Variants in ACER3 observed in about 807,000 individuals in gnomAD.
ACER3 encodes alkCDase 3.
ACER3 carries 16 observed loss-of-function variants against 48.9 expected under a neutral mutation model. That is an observed-to-expected ratio of 0.33 (90% CI 0.22 to 0.50). The LOEUF is 0.50. Ranked by LOEUF, ACER3 falls within the 20% of genes least tolerant of loss-of-function variation. The pLI is 0.98. For missense variants in ACER3, 227 were observed against 326.0 expected, an observed-to-expected ratio of 0.70 and a Z score of 2.34; for synonymous variants, 109 against 107.8, an observed-to-expected ratio of 1.01 and a Z score of -0.07.
chr11:76,909,135 A>C (rs932736908), intron 1 of ACER3, among the ~76,000 whole-genome samples: 2 of 152,260 alleles, frequency 1.3e-5, no homozygotes, highest in African/African-American at 4.8e-5. Flanking sequence ...GCTGGATTAA[A>C]CAGTTAAATG....
At chr11:76,970,569 ATAT>A (rs953505537) in intron 3 of ACER3, among the ~76,000 whole-genome samples, 2 of 152,124 alleles carry the variant, frequency 1.3e-5, no homozygotes, top group African/African-American at 4.8e-5. Flanking sequence ...TGTATTTATG[ATAT>A]TATTGAGACA....
Position 76,902,613 on chromosome 11 carries a change from G to A in ACER3, c.104-23944G>A, listed in dbSNP as rs1946108871. Among the ~76,000 whole-genome samples, 8 of 151,962 alleles carry A rather than the reference G, an allele frequency of 5.3e-5. No individual in the cohort carries two copies. In the South Asian group the frequency reaches 1.7e-3, roughly 32 times the overall value. The stretch of plus-strand genomic sequence containing the variant: ...TGTAATGACTTTTCTCTGCTTCTTG[G>A]GAGCACTTCTAGCATCACTAGTGAC... On this transcript the variant is annotated intron_variant, in intron 1 of 10. Transcript: ENST00000532485.
intron 1 of ACER3, among the ~76,000 whole-genome samples, chr11:76,880,273 A>G (rs1303675144): frequency 6.6e-6 from 1 of 152,226 alleles, no homozygotes; most frequent in Non-Finnish European, 1.5e-5. Flanking sequence ...TGTTAATAGA[A>G]GCATTTAAAG....
At chr11:76,887,208 C>G (rs976750292) in intron 1 of ACER3, among the ~76,000 whole-genome samples, 1 of 152,100 alleles carries the variant, frequency 6.6e-6, no homozygotes, top group African/African-American at 2.4e-5. Flanking sequence ...GAGCCATGAT[C>G]ATAGTCACTG....
intron 2 of ACER3, among the ~76,000 whole-genome samples, chr11:76,930,094 G>C (rs2134835717): frequency 6.6e-6 from 1 of 152,078 alleles, no homozygotes; most frequent in East Asian, 1.9e-4. Context: ...GAGTCCGTCT[G>C]GTCCTGGACT....
chr11:76,958,139 C>T (rs1016817320), intron 2 of ACER3, among the ~76,000 whole-genome samples: 1 of 148,922 alleles, frequency 6.7e-6, no homozygotes, highest in Non-Finnish European at 1.5e-5. Flanking sequence ...CAGTCTGTAA[C>T]AGATATCCAA....
At chr11:76,965,218 A>T (rs1450713241) in intron 3 of ACER3, among the ~76,000 whole-genome samples, 2 of 151,400 alleles carry the variant, frequency 1.3e-5, no homozygotes, top group Non-Finnish European at 2.9e-5. Context: ...CAGTGATGGA[A>T]GACGAAATGA....
At chr11:76,923,278 A>T (rs1946733149) in intron 1 of ACER3, among the ~76,000 whole-genome samples, 1 of 152,206 alleles carries the variant, frequency 6.6e-6, no homozygotes, top group African/African-American at 2.4e-5. Context: ...ACAAGATAGT[A>T]ACATATCCTT....
At chr11:76,882,363 T>C (rs1385094387) in intron 1 of ACER3, among the ~76,000 whole-genome samples, 2 of 152,180 alleles carry the variant, frequency 1.3e-5, no homozygotes, top group Non-Finnish European at 2.9e-5. Flanking sequence ...TTGACCTATC[T>C]TTATGTTGAC....
intron 1 of ACER3, among the ~76,000 whole-genome samples, chr11:76,871,873 C>T (rs1945248535): frequency 6.6e-6 from 1 of 152,104 alleles, no homozygotes; most frequent in Non-Finnish European, 1.5e-5. Flanking sequence ...TGCTATTTAT[C>T]ATGTGATGGT....
chr11:76,913,308 T>C (rs1400517830), intron 1 of ACER3, among the ~76,000 whole-genome samples: 3 of 152,134 alleles, frequency 2.0e-5, no homozygotes, highest in Admixed American at 6.6e-5. Flanking sequence ...AATCACGTCA[T>C]CTGCAAACAG....
chr11:76,919,520 AG>A (rs1308514060), intron 1 of ACER3, among the ~76,000 whole-genome samples: 1 of 152,216 alleles, frequency 6.6e-6, no homozygotes, highest in Non-Finnish European at 1.5e-5. Context: ...AAAATATCAT[AG>A]TTTTCAAAAA....
chr11:76,933,484 C>G (rs571943263), intron 2 of ACER3, among the ~76,000 whole-genome samples: 19 of 150,730 alleles, frequency 1.3e-4, no homozygotes, highest in African/African-American at 4.6e-4. Context: ...GGTGATGACT[C>G]TTAACGAGCA....
At chr11:76,933,054 A>G (rs777320851) in intron 2 of ACER3, among the ~76,000 whole-genome samples, 1 of 151,804 alleles carries the variant, frequency 6.6e-6, no homozygotes, top group Non-Finnish European at 1.5e-5. Flanking sequence ...CCCTTTGGAG[A>G]TGCGTTAGTG....
intron 2 of ACER3, among the ~76,000 whole-genome samples, chr11:76,957,033 A>G (rs968435047): frequency 2.0e-5 from 3 of 152,172 alleles, no homozygotes; most frequent in Non-Finnish European, 4.4e-5. Context: ...TGTATCCTTA[A>G]GTTTAATCTG....
At chr11:76,982,098 C>A (rs1948596674) in intron 4 of ACER3, among the ~76,000 whole-genome samples, 1 of 151,636 alleles carries the variant, frequency 6.6e-6, no homozygotes, top group Non-Finnish European at 1.5e-5. Context: ...TATACTATCT[C>A]TGTGGTGTTT....
At chr11:76,994,132 CTTTCT>C (rs1472415810) in intron 6 of ACER3, 61 of 404,100 alleles carry the variant, frequency 1.5e-4, no homozygotes, top group Non-Finnish European at 2.4e-5. Context: ...AGGGATTAAA[CTTTCT>C]TTTTTTTTTT....
In ACER3 at chr11:77,026,439, CTATCATGCCTTTCCA is replaced by C. The variant is rs529949516; in HGVS notation, c.*6115_*6129del. On this transcript the variant is annotated 3_prime_UTR_variant, in exon 11 of 11. Coordinates refer to ENST00000532485, the MANE Select transcript of ACER3 (RefSeq NM_018367.7). ...TAATGGACTCATGTGGCATTGTTCA[CTATCATGCCTTTCCA>C]TACTTGTAATATTTCTGAGTCACTT... 1.1e-4 allele frequency: 16 copies of C among 152,324 alleles called. 1 individual carries two copies. The highest frequency in any genetic ancestry group is 3.1e-4 in the African/African-American group (13 of 41,572). The allele number at this position is 152,324 out of a possible 1,614,324, so 9.4% of individuals were successfully genotyped here. A position where few individuals can be genotyped will look rare whatever the true frequency, so the allele number is the denominator to read the frequency against.
intron 1 of ACER3, among the ~76,000 whole-genome samples, chr11:76,906,656 T>C (rs1357102998): frequency 2.6e-5 from 4 of 152,222 alleles, no homozygotes; most frequent in Non-Finnish European, 5.9e-5. Context: ...GAGCTGGTTT[T>C]GTCTGTGCAG....
Sources: gnomAD v4.1 joint callset for allele counts (sites outside exome capture counted in the v4.1 genomes callset) on GRCh38, gnomAD v4.1.1 for gene constraint, MANE v1.5 for transcripts, NCBI Gene and HGNC (gene_info 2026-07-23, HGNC 2026-07-21) for gene names.